Variants in EBF1 observed in about 807,000 individuals in gnomAD.
The protein encoded by EBF1 is transcription factor COE1.
Under a neutral mutation model 68.4 loss-of-function variants are expected in EBF1, and 10 were observed. The observed-to-expected ratio is 0.15, with a 90% CI of 0.09 to 0.25. The LOEUF (loss-of-function observed/expected upper bound fraction) is 0.25. Ranked by LOEUF, EBF1 falls within the 10% of genes least tolerant of loss-of-function variation. The pLI is 1.00. For missense variants in EBF1, 509 were observed against 794.4 expected, an observed-to-expected ratio of 0.64 and a Z score of 4.32; for synonymous variants, 298 against 299.8, an observed-to-expected ratio of 0.99 and a Z score of 0.06.
At chr5:158,965,698 C>T (rs1278764956) in intron 6 of EBF1, among the ~76,000 whole-genome samples, 2 of 152,322 alleles carry the variant, frequency 1.3e-5, no homozygotes, top group African/African-American at 4.8e-5. Flanking sequence ...AAATGGGATG[C>T]TACACTTTTT....
intron 6 of EBF1, among the ~76,000 whole-genome samples, chr5:158,843,689 C>G (rs1337150797): frequency 6.6e-6 from 1 of 152,166 alleles, no homozygotes; most frequent in Non-Finnish European, 1.5e-5. Context: ...CCAGCCCTAC[C>G]CCAGAGGGAG....
intron 6 of EBF1, among the ~76,000 whole-genome samples, chr5:158,924,870 A>AAAG (rs1809304078): frequency 6.6e-6 from 1 of 151,224 alleles, no homozygotes; most frequent in African/African-American, 2.4e-5. Context: ...AAAAAAAAAA[A>AAAG]AAAAAAGATA....
At chr5:159,092,129 C>A (rs1781758525) in intron 4 of EBF1, among the ~76,000 whole-genome samples, 1 of 152,100 alleles carries the variant, frequency 6.6e-6, no homozygotes, top group South Asian at 2.1e-4. Flanking sequence ...GCCCACTAAA[C>A]CTCAGACCTC....
rs544938143 is a variant in EBF1, at chr5:159,019,065, G to C, written c.554+54331C>G. On this transcript the variant is annotated intron_variant, in intron 6 of 15. Coordinates refer to ENST00000313708, the MANE Select transcript of EBF1 (RefSeq NM_024007.5). ...TCCAATCATTGTAAGTCCAGTAAGT[G>C]TTTACAGATGGCAAATGTTTAGTAC... 3 of 152,242 alleles carry C rather than the reference G, an allele frequency of 2.0e-5. No individual in the cohort carries two copies. The East Asian group carries it at 5.8e-4, about 29-fold the overall frequency. 9.4% of individuals were successfully genotyped at this position (152,242 alleles called of 1,614,324 possible). A position where few individuals can be genotyped will look rare whatever the true frequency, so the allele number is the denominator to read the frequency against.
intron 8 of EBF1, among the ~76,000 whole-genome samples, chr5:158,797,745 A>G (rs1341872390): frequency 6.6e-6 from 1 of 152,226 alleles, no homozygotes; most frequent in African/African-American, 2.4e-5. Flanking sequence ...AAAAATTTGC[A>G]CAGAGAAATT....
At chr5:158,941,465 G>A (rs1813368139) in intron 6 of EBF1, among the ~76,000 whole-genome samples, 1 of 152,044 alleles carries the variant, frequency 6.6e-6, no homozygotes, top group Non-Finnish European at 1.5e-5. Flanking sequence ...ACACTCTATA[G>A]GGGCACACGC....
At chr5:158,722,824 A>C (rs916927777) in intron 11 of EBF1, among the ~76,000 whole-genome samples, 1 of 152,180 alleles carries the variant, frequency 6.6e-6, no homozygotes, top group Non-Finnish European at 1.5e-5. Flanking sequence ...AATAGTGAGC[A>C]AGGCTTAAGA....
At chr5:158,703,531 G>T (rs1357893924) in intron 15 of EBF1, among the ~76,000 whole-genome samples, 1 of 147,632 alleles carries the variant, frequency 6.8e-6, no homozygotes, top group African/African-American at 2.5e-5. Context: ...AAATGTTTTT[G>T]ACTACCATAT....
intron 6 of EBF1, among the ~76,000 whole-genome samples, chr5:158,910,594 T>G (rs934862371): frequency 6.6e-6 from 1 of 152,236 alleles, no homozygotes; most frequent in Admixed American, 6.5e-5. Flanking sequence ...TATGTAGATG[T>G]GATTTTCTTT....
At chr5:159,053,605 T>TCA (rs3062333) in intron 6 of EBF1, among the ~76,000 whole-genome samples, 19,075 of 146,226 alleles carry the variant, frequency 0.13, 1,273 homozygotes, top group African/African-American at 0.2. Flanking sequence ...TCTCTCTCTC[T>TCA]CACACACACA....
chr5:158,815,973 G>A (rs574217370), intron 8 of EBF1, among the ~76,000 whole-genome samples: 1 of 152,296 alleles, frequency 6.6e-6, no homozygotes, highest in African/African-American at 2.4e-5. Flanking sequence ...TAGCCCTAAT[G>A]TTTTGCTCTT....
intron 6 of EBF1, among the ~76,000 whole-genome samples, chr5:158,894,198 C>T (rs959921124): frequency 6.6e-6 from 1 of 152,140 alleles, no homozygotes; most frequent in African/African-American, 2.4e-5. Context: ...GTATTGATTG[C>T]ATCATGAAAT....
At chr5:158,846,154 C>A (rs959885156) in intron 6 of EBF1, among the ~76,000 whole-genome samples, 1 of 152,172 alleles carries the variant, frequency 6.6e-6, no homozygotes, top group African/African-American at 2.4e-5. Context: ...ATTCAGGACA[C>A]GGAGACTTGC....
At chr5:158,839,033 C>A (rs1026219877) in intron 7 of EBF1, among the ~76,000 whole-genome samples, 5 of 152,156 alleles carry the variant, frequency 3.3e-5, no homozygotes, top group African/African-American at 1.2e-4. Context: ...TAATAAGATC[C>A]TCAGGGGATT....
chr5:158,888,430 C>T lies in EBF1; in HGVS notation c.555-48320G>A, dbSNP rs147461673. On this transcript the variant is annotated intron_variant, in intron 6 of 15. Transcript: ENST00000313708. ...CAGAGAAAGTTGTGTACATTCATTC[C>T]TAAGAGGCAAGAATGTGAACCTAGT... 1.2e-3 allele frequency among the ~76,000 whole-genome samples: 188 copies of T among 152,178 alleles called. 1 individual carries two copies. Among genetic ancestry groups the T allele is most frequent in the African/African-American group, 4.3e-3 (178 of 41,510 alleles).
chr5:159,042,439 T>C (rs1189081233), intron 6 of EBF1, among the ~76,000 whole-genome samples: 2 of 152,226 alleles, frequency 1.3e-5, no homozygotes, highest in South Asian at 2.1e-4. Flanking sequence ...ATCTAAAAGC[T>C]GACCCTATTT....
intron 4 of EBF1, among the ~76,000 whole-genome samples, chr5:159,086,543 A>G (rs188982362): frequency 7.2e-5 from 11 of 152,188 alleles, no homozygotes; most frequent in African/African-American, 2.4e-4. Flanking sequence ...ACATCTCTCA[A>G]TTTGGGTTTG....
At chr5:159,050,351 T>C (rs954919279) in intron 6 of EBF1, among the ~76,000 whole-genome samples, 1 of 152,032 alleles carries the variant, frequency 6.6e-6, no homozygotes, top group Non-Finnish European at 1.5e-5. Context: ...TACCCCTCCA[T>C]GCTTCCCCAC....
chr5:158,789,918 G>A (rs925265560), intron 9 of EBF1, among the ~76,000 whole-genome samples: 9 of 152,130 alleles, frequency 5.9e-5, no homozygotes, highest in Non-Finnish European at 1.2e-4. Context: ...AGATAGATAG[G>A]AAGAAAGAAA....
Sources: allele counts gnomAD v4.1 joint callset (sites outside exome capture counted in the v4.1 genomes callset), GRCh38; gene constraint gnomAD v4.1.1; transcripts MANE v1.5; gene names NCBI Gene and HGNC (gene_info 2026-07-23, HGNC 2026-07-21).